KIAA1328: variants seen among roughly 807,000 people sequenced by gnomAD.
The protein encoded by KIAA1328 is KIAA1328, also known as protein hinderin.
In KIAA1328, 52 loss-of-function variants were observed where a neutral mutation model predicts 68.1. That is an observed-to-expected ratio of 0.76 (90% CI 0.61 to 0.96). KIAA1328 has a LOEUF of 0.96. KIAA1328 is among the 40% of genes least tolerant of loss of function. The pLI is 0.00. For synonymous variants in KIAA1328, 232 were observed against 239.4 expected, an observed-to-expected ratio of 0.97 and a Z score of 0.28; for missense variants, 641 against 677.6, an observed-to-expected ratio of 0.95 and a Z score of 0.60.
At chr18:37,135,732 G>A (rs546851242) in intron 7 of KIAA1328, among the ~76,000 whole-genome samples, 50 of 152,136 alleles carry the variant, frequency 3.3e-4, no homozygotes, top group Non-Finnish European at 5.7e-4. Flanking sequence ...TTGCTTTTGA[G>A]GACTTAATCG....
chr18:36,900,282 G>A (rs536796782), intron 5 of KIAA1328, among the ~76,000 whole-genome samples: 183 of 151,874 alleles, frequency 1.2e-3, no homozygotes, highest in Non-Finnish European at 2.4e-3. Context: ...TGATAGTGTT[G>A]GAAGTACTGT....
At chr18:37,141,598 CTT>C (rs1308682437) in intron 7 of KIAA1328, among the ~76,000 whole-genome samples, 1 of 152,132 alleles carries the variant, frequency 6.6e-6, no homozygotes, top group Admixed American at 6.5e-5. Flanking sequence ...TTTTCTTTCT[CTT>C]AAGTAAATAT....
chr18:36,963,425 A>G (rs573430648), intron 6 of KIAA1328, among the ~76,000 whole-genome samples: 1 of 152,336 alleles, frequency 6.6e-6, no homozygotes, highest in East Asian at 1.9e-4. Flanking sequence ...ATTTACCAGT[A>G]TTAATAGTCT....
At chr18:36,968,151 C>G (rs988467266) in intron 6 of KIAA1328, among the ~76,000 whole-genome samples, 1 of 152,118 alleles carries the variant, frequency 6.6e-6, no homozygotes, top group African/African-American at 2.4e-5. Flanking sequence ...GAAAGACCAG[C>G]AACTGCAAAA....
At chr18:37,169,738 A>G (rs2059464557) in intron 8 of KIAA1328, among the ~76,000 whole-genome samples, 1 of 152,230 alleles carries the variant, frequency 6.6e-6, no homozygotes, top group Non-Finnish European at 1.5e-5. Context: ...TACAGCAATC[A>G]TTCTTATCCT....
intron 3 of KIAA1328, among the ~76,000 whole-genome samples, chr18:36,840,054 C>CAG (rs2046808221): frequency 6.6e-6 from 1 of 152,076 alleles, no homozygotes; most frequent in Admixed American, 6.5e-5. Context: ...AGTGTTTCTG[C>CAG]AAACACTAGA....
At chr18:37,056,465 A>G (rs1181554122) in intron 6 of KIAA1328, among the ~76,000 whole-genome samples, 1 of 151,796 alleles carries the variant, frequency 6.6e-6, no homozygotes, top group Non-Finnish European at 1.5e-5. Context: ...TTATCTAGTC[A>G]TTAGCCTGTG....
At chr18:36,895,094 C>A (rs1176984414) in intron 5 of KIAA1328, among the ~76,000 whole-genome samples, 4 of 152,144 alleles carry the variant, frequency 2.6e-5, no homozygotes, top group African/African-American at 9.7e-5. Flanking sequence ...AAGTCATCTT[C>A]CCCAGTACAT....
At chr18:37,078,637 AAAAC>A (rs1184519798) in intron 7 of KIAA1328, among the ~76,000 whole-genome samples, 7 of 147,644 alleles carry the variant, frequency 4.7e-5, no homozygotes, top group Non-Finnish European at 6.0e-5. Context: ...TTACAAGAAA[AAAAC>A]AAACAACCCC....
At chr18:37,002,985 A>G (rs776374585) in intron 6 of KIAA1328, among the ~76,000 whole-genome samples, 3 of 152,128 alleles carry the variant, frequency 2.0e-5, no homozygotes, top group Non-Finnish European at 4.4e-5. Flanking sequence ...TTAAAAATAG[A>G]CATATAGACC....
chr18:36,877,546 G>T, intron 4 of KIAA1328, among the ~76,000 whole-genome samples: 2 of 134,430 alleles, frequency 1.5e-5, no homozygotes. Context: ...CCACTTGCTT[G>T]GTAAATATTC....
At chr18:37,157,667 G>A (rs1350515818) in intron 7 of KIAA1328, among the ~76,000 whole-genome samples, 4 of 151,760 alleles carry the variant, frequency 2.6e-5, no homozygotes, top group South Asian at 2.1e-4. Context: ...AAAATTAGCC[G>A]GACATGGTGG....
chr18:37,066,968 A>T lies in KIAA1328; in HGVS notation c.655A>T (p.Thr219Ser). The T allele has an allele frequency of 6.2e-7, 1 of 1,613,288 alleles. No homozygotes were observed. The highest frequency in any genetic ancestry group is 8.5e-7 in the Non-Finnish European group (1 of 1,179,526). Residue 219 changes from threonine to serine, a missense_variant, in exon 7 of 10, where the codon ACC (threonine) becomes TCC (serine). By Grantham distance (58) the Thr-to-Ser change is moderately conservative (BLOSUM62 1). Transcript: ENST00000280020. ...CTACTTGAGCATAGCCAGACCACAG[A>T]CCTACTATCAAACCAAGCAAAGACC... ...GSYLSIARPQ[T>S]YYQTKQRPKS...
chr18:37,038,245 T>C (rs762859068), intron 6 of KIAA1328, among the ~76,000 whole-genome samples: 8 of 152,192 alleles, frequency 5.3e-5, no homozygotes, highest in Non-Finnish European at 1.0e-4. Flanking sequence ...AGCTTGATTT[T>C]TCAGGCTGCT....
chr18:37,103,043 A>G (rs1568409320), intron 7 of KIAA1328, among the ~76,000 whole-genome samples: 1 of 152,210 alleles, frequency 6.6e-6, no homozygotes, highest in Admixed American at 6.5e-5. Flanking sequence ...GAAGAACACA[A>G]ATAAATGGGA....
chr18:37,113,732 A>G (rs1226558331), intron 7 of KIAA1328, among the ~76,000 whole-genome samples: 2 of 152,232 alleles, frequency 1.3e-5, no homozygotes, highest in African/African-American at 4.8e-5. Context: ...TAAAGATTCA[A>G]GACTCATCAT....
In KIAA1328 at chr18:37,067,562, C is replaced by CTT. The variant is rs11311186; in HGVS notation, c.1232+32_1232+33dup. 4.6e-4 allele frequency: 624 copies of CTT among 1,352,334 alleles called. No homozygotes were observed. Among genetic ancestry groups the CTT allele is most frequent in the South Asian group, 6.8e-4 (43 of 63,330 alleles). 83.8% of individuals were successfully genotyped at this position (1,352,334 alleles called of 1,614,324 possible). On this transcript the variant is annotated intron_variant, in intron 7 of 9. Transcript: ENST00000280020. ...TTACAATTGGTGAGTACTGCCTGTT[C>CTT]TTTTTTTTTTTTTTTTGAGACGAAA... is the stretch of plus-strand genomic sequence containing the variant.
At chr18:37,191,741 C>A (rs1256243383) in intron 9 of KIAA1328, among the ~76,000 whole-genome samples, 2 of 151,258 alleles carry the variant, frequency 1.3e-5, no homozygotes, top group Non-Finnish European at 2.9e-5. Flanking sequence ...TTAACCCAAA[C>A]GTACAGGTGT....
chr18:36,874,311 A>G (rs1287002799), intron 4 of KIAA1328, among the ~76,000 whole-genome samples: 1 of 152,196 alleles, frequency 6.6e-6, no homozygotes, highest in East Asian at 1.9e-4. Flanking sequence ...CCAATGGTGT[A>G]AAAGTGTTCC....
Sources: allele counts gnomAD v4.1 joint callset (sites outside exome capture counted in the v4.1 genomes callset), GRCh38; gene constraint gnomAD v4.1.1; transcripts MANE v1.5; gene names NCBI Gene and HGNC (gene_info 2026-07-23, HGNC 2026-07-21).